Variants in ADARB2 observed in about 807,000 individuals in gnomAD.
The protein encoded by ADARB2 is adenosine deaminase RNA specific B2 (inactive), also known as inactive double-stranded RNA-specific editase B2.
Under a neutral mutation model 62.2 loss-of-function variants are expected in ADARB2, and 25 were observed. That is an observed-to-expected ratio of 0.40 (90% CI 0.29 to 0.56). The LOEUF is 0.56. Ranked by LOEUF, ADARB2 falls within the 20% of genes least tolerant of loss-of-function variation. The probability of loss-of-function intolerance (pLI) is 0.43; values close to 1 mark genes in which losing one functional copy is unlikely to be tolerated. For missense variants in ADARB2, 1,071 were observed against 1,077.4 expected (o/e 0.99, Z 0.08); for synonymous variants, 572 against 500.8 (o/e 1.14, Z -1.90).
intron 2 of ADARB2, among the ~76,000 whole-genome samples, chr10:1,375,874 C>T (rs1212937577): frequency 6.7e-6 from 1 of 149,290 alleles, no homozygotes; most frequent in African/African-American, 2.5e-5. Flanking sequence ...GACACACATG[C>T]ATGTGAACTC....
chr10:1,317,806 C>T (rs181748944), intron 3 of ADARB2, among the ~76,000 whole-genome samples: 1 of 152,238 alleles, frequency 6.6e-6, no homozygotes, highest in Non-Finnish European at 1.5e-5. Flanking sequence ...CGGCCACGCC[C>T]CTCCATTGGG....
chr10:1,284,070 A>T (rs561004130), intron 3 of ADARB2, among the ~76,000 whole-genome samples: 3 of 152,164 alleles, frequency 2.0e-5, no homozygotes, highest in African/African-American at 7.2e-5. Context: ...TAGGGTCTCG[A>T]TTCCAGGCCA....
chr10:1,599,917 A>AT (rs1251780487), intron 1 of ADARB2, among the ~76,000 whole-genome samples: 3 of 151,540 alleles, frequency 2.0e-5, no homozygotes, highest in East Asian at 1.9e-4. Context: ...TAATTTTTGT[A>AT]TTTTTTTTCT....
intron 3 of ADARB2, among the ~76,000 whole-genome samples, chr10:1,332,860 CT>C (rs1278772208): frequency 6.6e-6 from 1 of 152,238 alleles, no homozygotes; most frequent in African/African-American, 2.4e-5. Flanking sequence ...AAGAATTTCT[CT>C]GATTACATTG....
chr10:1,721,066 C>T (rs1417010021), intron 1 of ADARB2, among the ~76,000 whole-genome samples: 1 of 152,162 alleles, frequency 6.6e-6, no homozygotes, highest in Non-Finnish European at 1.5e-5. Context: ...AAAACAAGGC[C>T]AGCACTCGCT....
intron 1 of ADARB2, among the ~76,000 whole-genome samples, chr10:1,628,703 G>A (rs1044058597): frequency 2.0e-5 from 3 of 152,242 alleles, no homozygotes; most frequent in African/African-American, 4.8e-5. Context: ...GGATCTCTAC[G>A]TTTTAAATGA....
At chr10:1,435,163 C>T (rs538071389) in intron 1 of ADARB2, among the ~76,000 whole-genome samples, 29 of 152,330 alleles carry the variant, frequency 1.9e-4, no homozygotes, top group African/African-American at 5.3e-4. Context: ...GAGGTGTCCC[C>T]GGGCTGTGGA....
At chr10:1,404,056 G>T (rs1458836017) in intron 1 of ADARB2, among the ~76,000 whole-genome samples, 1 of 152,232 alleles carries the variant, frequency 6.6e-6, no homozygotes, top group African/African-American at 2.4e-5. Flanking sequence ...TGGTGCAGGG[G>T]CTTCTGTGTC....
chr10:1,277,948 CCTTCCCCTCTTTCTCTCT>C (rs1226398637), intron 3 of ADARB2, among the ~76,000 whole-genome samples: 2 of 145,732 alleles, frequency 1.4e-5, no homozygotes, highest in South Asian at 2.2e-4. Context: ...TTCCTTCCTT[CCTTCCCCTCTTTCTCTCT>C]CTCTTTCTTT....
At chr10:1,661,464 G>C (rs906184580) in intron 1 of ADARB2, among the ~76,000 whole-genome samples, 7 of 152,184 alleles carry the variant, frequency 4.6e-5, no homozygotes, top group African/African-American at 1.4e-4. Context: ...CTTGGGCCAG[G>C]TTTCTTTCCT....
intron 3 of ADARB2, among the ~76,000 whole-genome samples, chr10:1,358,222 G>T (rs1292712872): frequency 6.6e-6 from 1 of 152,174 alleles, no homozygotes; most frequent in Non-Finnish European, 1.5e-5. Flanking sequence ...TCTTGGTGTG[G>T]GGACAGAGGA....
chr10:1,296,404 A>G (rs981935669), intron 3 of ADARB2, among the ~76,000 whole-genome samples: 27 of 152,156 alleles, frequency 1.8e-4, no homozygotes, highest in African/African-American at 6.3e-4. Context: ...GCTTAACCCC[A>G]TTATCGGAGG....
At chr10:1,647,681 C>T (rs1009715750) in intron 1 of ADARB2, among the ~76,000 whole-genome samples, 18 of 150,358 alleles carry the variant, frequency 1.2e-4, no homozygotes, top group Non-Finnish European at 2.1e-4. Flanking sequence ...TGTGTGTATA[C>T]ATGTGTGTAT....
At chr10:1,690,122 A>G (rs932339867) in intron 1 of ADARB2, among the ~76,000 whole-genome samples, 1 of 152,236 alleles carries the variant, frequency 6.6e-6, no homozygotes, top group African/African-American at 2.4e-5. Flanking sequence ...AAAAGCCACT[A>G]TAAAAAAGCC....
At position 1,586,022 on chromosome 10, in the gene ADARB2, A is replaced by C. The variant is rs1466949215; in HGVS notation, c.100+151029T>G. On this transcript the variant is annotated intron_variant, in intron 1 of 9. Transcript: ENST00000381312. Reference sequence around the variant, plus strand: ...GCACTCCAGCCTGGGTGACAGAGCGAGACTCCATCTCAAACAAACAAACGA... The same window carrying C: ...GCACTCCAGCCTGGGTGACAGAGCGCGACTCCATCTCAAACAAACAAACGA... Among the ~76,000 whole-genome samples, 5 of 152,168 alleles carry C rather than the reference A, an allele frequency of 3.3e-5. No homozygotes were observed. In the South Asian group the frequency reaches 6.2e-4, roughly 19 times the overall value.
chr10:1,206,468 G>T (rs1259604402), intron 7 of ADARB2, among the ~76,000 whole-genome samples: 2 of 151,620 alleles, frequency 1.3e-5, no homozygotes, highest in East Asian at 3.9e-4. Flanking sequence ...TCGTGCCTGT[G>T]CGTCTGAGAG....
At chr10:1,363,955 G>A in intron 2 of ADARB2, 38 bp from the exon 3 acceptor site, 1 of 1,418,740 alleles carries the variant, frequency 7.0e-7, no homozygotes, top group Non-Finnish European at 9.1e-7. Context: ...GCCTGGGCGG[G>A]CGCCGGCAGG....
intron 1 of ADARB2, among the ~76,000 whole-genome samples, chr10:1,523,985 A>C (rs1212448895): frequency 1.3e-5 from 2 of 152,134 alleles, no homozygotes; most frequent in African/African-American, 4.8e-5. Context: ...TCATTCACCT[A>C]TTCATTTTTT....
intron 1 of ADARB2, among the ~76,000 whole-genome samples, chr10:1,681,747 C>A (rs775272865): frequency 3.9e-5 from 6 of 152,226 alleles, no homozygotes; most frequent in Non-Finnish European, 8.8e-5. Flanking sequence ...TCCAACTTCA[C>A]AATGGGGCCT....
Sources: allele counts gnomAD v4.1 joint callset (sites outside exome capture counted in the v4.1 genomes callset), GRCh38; gene constraint gnomAD v4.1.1; transcripts MANE v1.5; gene names NCBI Gene and HGNC (gene_info 2026-07-23, HGNC 2026-07-21).